The following IQSEC1 variants were observed in gnomAD, a reference collection of about 807,000 sequenced individuals.
The protein encoded by IQSEC1 is IQ motif and SEC7 domain-containing protein 1.
In IQSEC1, 31 loss-of-function variants were observed where a neutral mutation model predicts 91.0. The ratio of observed to expected loss-of-function variants is 0.34; its 90% CI spans 0.26 to 0.46. The LOEUF (loss-of-function observed/expected upper bound fraction) is 0.46, where lower values mean the gene tolerates loss of function less well. IQSEC1 is among the 20% of genes least tolerant of loss of function. The probability of loss-of-function intolerance (pLI) is 1.00; values close to 1 mark genes in which losing one functional copy is unlikely to be tolerated. For missense variants in IQSEC1, 1,388 were observed against 1,575.6 expected (o/e 0.88, Z 2.02); for synonymous variants, 699 against 662.6 (o/e 1.05, Z -0.84).
intron 1 of IQSEC1, among the ~76,000 whole-genome samples, chr3:13,268,212 C>CA (rs1180703505): frequency 6.6e-6 from 1 of 152,230 alleles, no homozygotes; most frequent in African/African-American, 2.4e-5. Context: ...AGCAGGATGC[C>CA]AAGAGCACTG....
intron 1 of IQSEC1, among the ~76,000 whole-genome samples, chr3:13,216,652 A>G (rs556828029): frequency 6.6e-6 from 1 of 152,178 alleles, no homozygotes. Flanking sequence ...CCCATCAGTA[A>G]ACCCACCAGA....
In IQSEC1 at chr3:12,898,574, C is replaced by G. The variant is rs1416545312; in HGVS notation, c.*2409G>C. 1 of 152,166 alleles carries G rather than the reference C, an allele frequency of 6.6e-6. No individual in the cohort carries two copies. The highest frequency in any genetic ancestry group is 1.5e-5 in the Non-Finnish European group (1 of 68,042). The allele number at this position is 152,166 out of a possible 1,614,324, so 9.4% of individuals were successfully genotyped here. A position where few individuals can be genotyped will look rare whatever the true frequency, so the allele number is the denominator to read the frequency against. On this transcript the variant is annotated 3_prime_UTR_variant, in exon 14 of 14. Transcript: ENST00000613206. ...GAAAGCCCCTCCTGGGGTTTTCTGT[C>G]TGTTCCTATTCATTACTGCTACCCT...
chr3:13,153,052 T>G (rs1707026526), intron 2 of IQSEC1, among the ~76,000 whole-genome samples: 1 of 150,114 alleles, frequency 6.7e-6, no homozygotes, highest in Non-Finnish European at 1.5e-5. Flanking sequence ...GCCTTTTCTT[T>G]CCCCTCCCCT....
intron 1 of IQSEC1, among the ~76,000 whole-genome samples, chr3:13,191,889 T>A (rs1694039483): frequency 1.3e-5 from 2 of 152,226 alleles, no homozygotes; most frequent in Admixed American, 1.3e-4. Context: ...CCATGGATGT[T>A]TTCATTTCAT....
chr3:13,248,761 T>C (rs969670481), intron 1 of IQSEC1, among the ~76,000 whole-genome samples: 1 of 117,838 alleles, frequency 8.5e-6, no homozygotes, highest in East Asian at 2.1e-4. Flanking sequence ...ATTATATCCA[T>C]GTTATAGATG....
intron 1 of IQSEC1, among the ~76,000 whole-genome samples, chr3:13,198,696 C>T (rs976283278): frequency 2.0e-5 from 3 of 152,242 alleles, no homozygotes; most frequent in African/African-American, 7.2e-5. Context: ...CACCATGTGA[C>T]CATGGGCAAG....
At chr3:13,266,558 C>T (rs1414612168) in intron 1 of IQSEC1, among the ~76,000 whole-genome samples, 1 of 151,734 alleles carries the variant, frequency 6.6e-6, no homozygotes, top group Non-Finnish European at 1.5e-5. Context: ...CAGTCAGCAG[C>T]TCCGATGATG....
intron 1 of IQSEC1, among the ~76,000 whole-genome samples, chr3:13,043,094 A>G (rs771727622): frequency 6.6e-6 from 1 of 152,152 alleles, no homozygotes; most frequent in African/African-American, 2.4e-5. Context: ...GATAAAATCT[A>G]AAATGGAACC....
At chr3:13,141,786 C>T (rs557411174) in intron 2 of IQSEC1, among the ~76,000 whole-genome samples, 137 of 152,270 alleles carry the variant, frequency 9.0e-4, no homozygotes, top group East Asian at 2.9e-3. Flanking sequence ...TAGAGAAAGA[C>T]GGAGAGGAAA....
chr3:13,114,803 A>G (rs2124875680), intron 2 of IQSEC1, among the ~76,000 whole-genome samples: 1 of 152,034 alleles, frequency 6.6e-6, no homozygotes, highest in South Asian at 2.1e-4. Context: ...AAAAAAAAAA[A>G]AAAAAAAGAA....
At chr3:13,263,397 G>C (rs1418394739) in intron 1 of IQSEC1, among the ~76,000 whole-genome samples, 2 of 142,928 alleles carry the variant, frequency 1.4e-5, no homozygotes, top group African/African-American at 5.0e-5. Flanking sequence ...CCTCCTTTGG[G>C]GGGAAAAAAG....
chr3:13,215,036 C>T (rs1454061674), intron 1 of IQSEC1, among the ~76,000 whole-genome samples: 3 of 152,080 alleles, frequency 2.0e-5, no homozygotes, highest in Admixed American at 6.5e-5. Context: ...CTACTGAATG[C>T]AAAGGCTGCA....
At position 13,242,035 on chromosome 3, in the gene IQSEC1, A is replaced by G. The variant is rs903316238; in HGVS notation, c.272+40676T>C. ...CGTATATACATACACACATGTGTGT[A>G]TGTGTGCATATATATTTGTCTTTTG... On this transcript the variant is annotated intron_variant, in intron 1 of 15. Transcript: ENST00000648114. Among the ~76,000 whole-genome samples the G allele has an allele frequency of 2.6e-5, 4 of 152,298 alleles. No homozygotes were observed. In the South Asian group the frequency reaches 8.3e-4, roughly 32 times the overall value.
intron 1 of IQSEC1, among the ~76,000 whole-genome samples, chr3:13,030,506 A>G (rs1185812464): frequency 6.6e-6 from 1 of 152,232 alleles, no homozygotes; most frequent in Admixed American, 6.5e-5. Context: ...AGTCTAATCA[A>G]GCTTCCTGAT....
chr3:13,071,787 TCCCTGAACCAGAGGCCACTGCCATC>T (rs1705438612), intron 1 of IQSEC1, among the ~76,000 whole-genome samples: 1 of 114,360 alleles, frequency 8.7e-6, no homozygotes, highest in African/African-American at 3.5e-5. Flanking sequence ...CCACTGCCAT[TCCCTGAACCAGAGGCCACTGCCATC>T]CCCCAAACCA....
At chr3:13,245,929 C>T (rs1216131895) in intron 1 of IQSEC1, among the ~76,000 whole-genome samples, 2 of 152,094 alleles carry the variant, frequency 1.3e-5, no homozygotes, top group East Asian at 1.9e-4. Flanking sequence ...GAACCCAAAC[C>T]GAGACACCTC....
At chr3:12,964,544 C>T (rs143794749) in intron 1 of IQSEC1, among the ~76,000 whole-genome samples, 14 of 152,276 alleles carry the variant, frequency 9.2e-5, no homozygotes, top group South Asian at 2.1e-4. Flanking sequence ...ACTGGAGTCC[C>T]GAGGATGGCC....
At chr3:13,131,550 G>A (rs1213728634) in intron 2 of IQSEC1, among the ~76,000 whole-genome samples, 1 of 135,238 alleles carries the variant, frequency 7.4e-6, no homozygotes, top group Non-Finnish European at 1.5e-5. Context: ...GCAGTGGCAC[G>A]ATCTCAGCTC....
At chr3:13,121,554 T>C (rs1706423518) in intron 2 of IQSEC1, among the ~76,000 whole-genome samples, 1 of 152,050 alleles carries the variant, frequency 6.6e-6, no homozygotes, top group African/African-American at 2.4e-5. Flanking sequence ...GGGGAGAAGG[T>C]GCTCTCTGCA....
Sources: gnomAD v4.1 joint callset for allele counts (sites outside exome capture counted in the v4.1 genomes callset) on GRCh38, gnomAD v4.1.1 for gene constraint, MANE v1.5 for transcripts, NCBI Gene and HGNC (gene_info 2026-07-23, HGNC 2026-07-21) for gene names.